The following CNTN5 variants were observed in gnomAD, a reference collection of about 807,000 sequenced individuals.
CNTN5 encodes contactin 5.
CNTN5 carries 77 observed loss-of-function variants against 129.1 expected under a neutral mutation model. That is an observed-to-expected ratio of 0.60 (90% CI 0.50 to 0.72). The LOEUF (loss-of-function observed/expected upper bound fraction) is 0.72. CNTN5 is among the 30% of genes least tolerant of loss of function. The pLI is 0.00. For synonymous variants in CNTN5, 509 were observed against 465.6 expected (o/e 1.09, Z -1.20); for missense variants, 1,478 against 1,328.8 (o/e 1.11, Z -1.75).
chr11:99,094,199 C>A (rs905500357), intron 1 of CNTN5, among the ~76,000 whole-genome samples: 2 of 151,724 alleles, frequency 1.3e-5, no homozygotes, highest in Admixed American at 6.6e-5. Context: ...ACAAAAGTAA[C>A]CATAATAATT....
At chr11:99,765,759 T>C (rs1463574146) in intron 3 of CNTN5, among the ~76,000 whole-genome samples, 1 of 151,384 alleles carries the variant, frequency 6.6e-6, no homozygotes, top group African/African-American at 2.4e-5. Context: ...GAGATATGAG[T>C]CCTAGAGAAG....
intron 2 of CNTN5, among the ~76,000 whole-genome samples, chr11:99,420,931 G>T (rs561700050): frequency 6.6e-6 from 1 of 152,210 alleles, no homozygotes; most frequent in South Asian, 2.1e-4. Flanking sequence ...GCTCCCAATT[G>T]CACTGTTACA....
At chr11:99,638,394 T>C (rs1951642724) in intron 3 of CNTN5, among the ~76,000 whole-genome samples, 1 of 152,098 alleles carries the variant, frequency 6.6e-6, no homozygotes, top group African/African-American at 2.4e-5. Flanking sequence ...CCCTGACCCC[T>C]CCAAACCTCA....
chr11:99,728,034 C>T (rs1218996275), intron 3 of CNTN5, among the ~76,000 whole-genome samples: 2 of 152,126 alleles, frequency 1.3e-5, no homozygotes, highest in Non-Finnish European at 2.9e-5. Flanking sequence ...TCATTTTATT[C>T]ATTCAAGATC....
chr11:99,658,344 G>C (rs1263653793), intron 3 of CNTN5, among the ~76,000 whole-genome samples: 1 of 152,114 alleles, frequency 6.6e-6, no homozygotes, highest in South Asian at 2.1e-4. Flanking sequence ...CAAGTGAATA[G>C]AGTCAGAGCT....
intron 8 of CNTN5, among the ~76,000 whole-genome samples, chr11:99,995,281 G>C (rs1939368861): frequency 6.6e-6 from 1 of 151,324 alleles, no homozygotes; most frequent in African/African-American, 2.4e-5. Flanking sequence ...CCAAATCTTT[G>C]TGATAAAAAC....
chr11:99,152,335 G>A (rs189517191), intron 1 of CNTN5, among the ~76,000 whole-genome samples: 1 of 152,104 alleles, frequency 6.6e-6, no homozygotes, highest in Non-Finnish European at 1.5e-5. Flanking sequence ...ATTTAGACCT[G>A]TGTCTCATCA....
intron 13 of CNTN5, among the ~76,000 whole-genome samples, chr11:100,162,536 T>C (rs904240760): frequency 6.6e-6 from 1 of 151,906 alleles, no homozygotes; most frequent in Admixed American, 6.6e-5. Context: ...TTGATTTTGA[T>C]ACAATTCCTC....
At chr11:99,968,231 G>A (rs1162241977) in intron 8 of CNTN5, among the ~76,000 whole-genome samples, 1 of 152,138 alleles carries the variant, frequency 6.6e-6, no homozygotes, top group African/African-American at 2.4e-5. Context: ...AAAGTGAGTG[G>A]AAATAGATTG....
At chr11:100,050,905 A>G (rs961593304) in intron 9 of CNTN5, among the ~76,000 whole-genome samples, 9 of 152,152 alleles carry the variant, frequency 5.9e-5, no homozygotes, top group African/African-American at 2.2e-4. Flanking sequence ...TCCAAAATGT[A>G]TATGCACCTA....
intron 1 of CNTN5, among the ~76,000 whole-genome samples, chr11:99,262,149 A>T (rs974502901): frequency 2.8e-4 from 43 of 151,976 alleles, no homozygotes; most frequent in African/African-American, 1.0e-3. Flanking sequence ...TGGCCTTTGG[A>T]GATAGAGTAC....
chr11:99,722,873 A>G (rs1311082339), intron 3 of CNTN5, among the ~76,000 whole-genome samples: 1 of 151,322 alleles, frequency 6.6e-6, no homozygotes, highest in Non-Finnish European at 1.5e-5. Context: ...GTATACCTCA[A>G]CTCTCCGGGA....
At chr11:99,855,266 G>A (rs1947997793) in intron 6 of CNTN5, among the ~76,000 whole-genome samples, 1 of 152,128 alleles carries the variant, frequency 6.6e-6, no homozygotes, top group African/African-American at 2.4e-5. Flanking sequence ...TCACTCTACT[G>A]CACTGTAGCC....
rs145358384 is a variant in CNTN5 at position 100,342,532 on chromosome 11, A to G, written c.3030+1327A>G. 3.9e-3 allele frequency among the ~76,000 whole-genome samples: 601 copies of G among 152,286 alleles called. 16 individuals carry two copies. The highest frequency in any genetic ancestry group is 0.036 in the Admixed American group (549 of 15,284). ...TCAAGTGAGAATAGAGAAATACTAT[A>G]TAACTAGAAAAATACTCTATTGAGC... On this transcript the variant is annotated intron_variant, in intron 23 of 24. Transcript: ENST00000524871.
At chr11:99,071,370 T>C (rs1219211970) in intron 1 of CNTN5, among the ~76,000 whole-genome samples, 1 of 152,054 alleles carries the variant, frequency 6.6e-6, no homozygotes, top group African/African-American at 2.4e-5. Flanking sequence ...TGTAGCATCA[T>C]TAAATTATGC....
intron 2 of CNTN5, among the ~76,000 whole-genome samples, chr11:99,361,218 C>T (rs986919394): frequency 1.3e-5 from 2 of 152,130 alleles, no homozygotes; most frequent in Admixed American, 1.3e-4. Context: ...CTCTATAGCT[C>T]TTCTTTTCTT....
intron 2 of CNTN5, among the ~76,000 whole-genome samples, chr11:99,531,295 G>A (rs534778738): frequency 6.6e-6 from 1 of 152,274 alleles, no homozygotes; most frequent in African/African-American, 2.4e-5. Context: ...ATGATTTAGG[G>A]TTTCTGGCGG....
At chr11:100,036,175 T>C (rs1941989144) in intron 9 of CNTN5, among the ~76,000 whole-genome samples, 1 of 152,214 alleles carries the variant, frequency 6.6e-6, no homozygotes, top group African/African-American at 2.4e-5. Context: ...CAGTTTCAGC[T>C]TTCTACATAT....
chr11:99,680,174 A>G (rs923744208), intron 3 of CNTN5, among the ~76,000 whole-genome samples: 11 of 140,428 alleles, frequency 7.8e-5, no homozygotes, highest in African/African-American at 2.7e-4. Flanking sequence ...TGGGACATCT[A>G]TCTAAGATCA....
Sources: gnomAD v4.1 joint callset for allele counts (sites outside exome capture counted in the v4.1 genomes callset) on GRCh38, gnomAD v4.1.1 for gene constraint, MANE v1.5 for transcripts, NCBI Gene and HGNC (gene_info 2026-07-23, HGNC 2026-07-21) for gene names.